Variants in BMP7 observed in about 807,000 individuals in gnomAD.
The protein encoded by BMP7 is bone morphogenetic protein 7, also known as osteogenic protein 1.
A neutral mutation model predicts 41.2 loss-of-function variants in BMP7; 12 were observed. That is an observed-to-expected ratio of 0.29 (90% CI 0.19 to 0.47). BMP7 has a LOEUF of 0.47. BMP7 is among the 20% of genes least tolerant of loss of function. The probability of loss-of-function intolerance (pLI) is 0.99; values close to 1 mark genes in which losing one functional copy is unlikely to be tolerated. For synonymous variants in BMP7, 248 were observed against 250.0 expected (o/e 0.99, Z 0.07); for missense variants, 467 against 606.0 (o/e 0.77, Z 2.41).
rs141249352 is a variant in BMP7 at position 57,228,801 on chromosome 20, A to G, written c.419-380T>C. The stretch of plus-strand genomic sequence containing the variant: ...CTAGATAAGGTAACAGAAAACCTCT[A>G]TGGAACCCAATTTCATCATCTAAAA... On this transcript the variant is annotated intron_variant, in intron 1 of 6. Transcript: ENST00000395863. This position sits in a 1 kb window ranked among gnomAD's most constrained non-coding sequence, Gnocchi z 4.5. Among the ~76,000 whole-genome samples, 53 of 152,370 alleles carry G rather than the reference A, an allele frequency of 3.5e-4. No homozygotes were observed. The highest frequency in any genetic ancestry group is 1.2e-3 in the African/African-American group (51 of 41,590).
intron 3 of BMP7, among the ~76,000 whole-genome samples, chr20:57,195,446 C>A: frequency 6.6e-6 from 1 of 152,312 alleles, no homozygotes; most frequent in East Asian, 1.9e-4. Flanking sequence ...TACCCAATTC[C>A]GCCCTCCCCA....
Position 57,228,678 on chromosome 20 carries a change from CT to C in BMP7, c.419-258del, listed in dbSNP as rs1361640688. On this transcript the variant is annotated intron_variant, in intron 1 of 6. Transcript: ENST00000395863. The surrounding 1 kb of genome is among the most constrained non-coding windows in gnomAD (Gnocchi z 4.5). ...CCAACCTGCTGGGAAAAGTAGGGCA[CT>C]AACCACAGCCATCCAAGAGGTCCTG... 1.3e-5 allele frequency among the ~76,000 whole-genome samples: 2 copies of C among 152,194 alleles called. No homozygotes were observed. The highest frequency in any genetic ancestry group is 4.8e-5 in the African/African-American group (2 of 41,434).
chr20:57,233,550 C>T (rs941910819), intron 1 of BMP7, among the ~76,000 whole-genome samples: 2 of 152,206 alleles, frequency 1.3e-5, no homozygotes, highest in Non-Finnish European at 2.9e-5. Context: ...ACCTGGGCGC[C>T]CCCCCTTCAT....
Position 57,171,189 on chromosome 20 carries a change from A to G in BMP7, c.1147-81T>C. ...GGCCTCCACGTTTCTATAAAGAAACATCCTGTCTGGGCATAATGAATGACT... is the reference window on the plus strand; with the variant it reads ...GGCCTCCACGTTTCTATAAAGAAACGTCCTGTCTGGGCATAATGAATGACT... On this transcript the variant is annotated intron_variant, in intron 6 of 6. Coordinates refer to ENST00000395863, the MANE Select transcript of BMP7 (RefSeq NM_001719.3). The surrounding 1 kb of genome is among the most constrained non-coding windows in gnomAD (Gnocchi z 4.5). The G allele has an allele frequency of 6.3e-7, 1 of 1,583,304 alleles. No homozygotes were observed. The highest frequency in any genetic ancestry group is 8.7e-7 in the Non-Finnish European group (1 of 1,154,960).
At chr20:57,207,285 T>C (rs1984754075) in intron 2 of BMP7, among the ~76,000 whole-genome samples, 1 of 152,158 alleles carries the variant, frequency 6.6e-6, no homozygotes, top group Non-Finnish European at 1.5e-5. Context: ...TAAGGGTCTA[T>C]AAACCAGAGA....
chr20:57,262,730 C>G (rs757701330), intron 1 of BMP7, among the ~76,000 whole-genome samples: 1 of 152,144 alleles, frequency 6.6e-6, no homozygotes. Flanking sequence ...CCATGCCCCC[C>G]CCGCCAAACT....
chr20:57,238,682 AGACATACCC>A (rs1331595068), intron 1 of BMP7, among the ~76,000 whole-genome samples: 1 of 152,040 alleles, frequency 6.6e-6, no homozygotes, highest in Non-Finnish European at 1.5e-5. Flanking sequence ...CTGCTGACAA[AGACATACCC>A]GAGACCAGGA....
intron 2 of BMP7, among the ~76,000 whole-genome samples, chr20:57,208,080 C>T (rs1024383375): frequency 1.4e-4 from 22 of 152,082 alleles, no homozygotes; most frequent in African/African-American, 5.1e-4. Flanking sequence ...CCACCCGCCT[C>T]GGCCTCCCAA....
At chr20:57,234,434 G>A (rs529916997) in intron 1 of BMP7, among the ~76,000 whole-genome samples, 11 of 152,270 alleles carry the variant, frequency 7.2e-5, no homozygotes, top group African/African-American at 2.4e-4. Context: ...AGACCTGCTG[G>A]GTTGATCCCC....
intron 3 of BMP7, among the ~76,000 whole-genome samples, chr20:57,198,224 C>T (rs1984548475): frequency 6.8e-6 from 1 of 147,120 alleles, no homozygotes; most frequent in South Asian, 2.1e-4. Flanking sequence ...TCTCCTCTCC[C>T]CTCCTCTCCT....
In BMP7 at chr20:57,179,347, C is replaced by G. The variant is rs978637382; in HGVS notation, c.959-4340G>C. 2.0e-4 allele frequency among the ~76,000 whole-genome samples: 31 copies of G among 152,254 alleles called. 1 individual carries two copies. Among genetic ancestry groups the G allele is most frequent in the Admixed American group, 1.6e-3 (25 of 15,292 alleles). ...CCGGGATTCATCCACCTCCTCAACCCCCTGCTTGGGCCGCAGACAAGTCAG... is the reference window on the plus strand; with the variant it reads ...CCGGGATTCATCCACCTCCTCAACCGCCTGCTTGGGCCGCAGACAAGTCAG... On this transcript the variant is annotated intron_variant, in intron 4 of 6. Coordinates refer to ENST00000395863, the MANE Select transcript of BMP7 (RefSeq NM_001719.3).
chr20:57,209,273 A>T (rs868606031), intron 2 of BMP7, among the ~76,000 whole-genome samples: 29 of 137,892 alleles, frequency 2.1e-4, no homozygotes, highest in South Asian at 4.5e-4. Flanking sequence ...ATATATATAT[A>T]TATATATATA....
intron 1 of BMP7, among the ~76,000 whole-genome samples, chr20:57,247,195 A>T (rs80188677): frequency 0.027 from 4,105 of 152,318 alleles, 79 homozygotes; most frequent in Non-Finnish European, 0.041. Context: ...GACCCAACTG[A>T]TTCATGAGTG....
In BMP7 at chr20:57,185,112, G is replaced by A. The variant is rs528857424; in HGVS notation, c.761-1193C>T. ...AACCTGGAAGCAGGGAGACCAGGTGGAGGCAACAGAATGGTCCACGTGGGA... is the reference window on the plus strand; with the variant it reads ...AACCTGGAAGCAGGGAGACCAGGTGAAGGCAACAGAATGGTCCACGTGGGA... On this transcript the variant is annotated intron_variant, in intron 3 of 6. Coordinates refer to ENST00000395863, the MANE Select transcript of BMP7 (RefSeq NM_001719.3). Among the ~76,000 whole-genome samples, 11 of 152,338 alleles carry A rather than the reference G, an allele frequency of 7.2e-5. No individual in the cohort carries two copies. In the East Asian group the frequency reaches 1.7e-3, roughly 24 times the overall value.
chr20:57,253,795 C>T (rs989633753), intron 1 of BMP7, among the ~76,000 whole-genome samples: 2 of 152,078 alleles, frequency 1.3e-5, no homozygotes, highest in Non-Finnish European at 2.9e-5. Flanking sequence ...CATTGCAAAG[C>T]TAGTACAGAG....
rs534889226 is a variant in BMP7, at chr20:57,208,833, A to G, written c.612-6210T>C. On this transcript the variant is annotated intron_variant, in intron 2 of 6. Coordinates refer to ENST00000395863, the MANE Select transcript of BMP7 (RefSeq NM_001719.3). The stretch of plus-strand genomic sequence containing the variant: ...AAGAAAAAGCAGTCAGACTTAAAAG[A>G]TTGCATAGTATATGAGTCCATTTCT... 2.0e-5 allele frequency among the ~76,000 whole-genome samples: 3 copies of G among 152,348 alleles called. No homozygotes were observed. The South Asian group carries it at 6.2e-4, about 32-fold the overall frequency.
intron 1 of BMP7, among the ~76,000 whole-genome samples, chr20:57,231,157 C>T (rs2066028083): frequency 6.6e-6 from 1 of 152,210 alleles, no homozygotes; most frequent in South Asian, 2.1e-4. Flanking sequence ...GCTGCAGGGC[C>T]TCATACACTA....
intron 3 of BMP7, among the ~76,000 whole-genome samples, chr20:57,192,847 G>A (rs758666469): frequency 5.9e-5 from 9 of 151,864 alleles, no homozygotes; most frequent in East Asian, 1.9e-4. Flanking sequence ...TGAACTAAGC[G>A]ATTCTTTGTT....
At chr20:57,191,761 T>A (rs1382056112) in intron 3 of BMP7, among the ~76,000 whole-genome samples, 1 of 143,358 alleles carries the variant, frequency 7.0e-6, no homozygotes, top group Non-Finnish European at 1.5e-5. Context: ...TACTATAATA[T>A]ATAATATATA....
Sources: allele counts gnomAD v4.1 joint callset (sites outside exome capture counted in the v4.1 genomes callset), GRCh38; gene constraint gnomAD v4.1.1; non-coding constraint Gnocchi (gnomAD v3.1); transcripts MANE v1.5; gene names NCBI Gene and HGNC (gene_info 2026-07-23, HGNC 2026-07-21).